Variants in NELL1 observed in about 807,000 individuals in gnomAD.
The protein encoded by NELL1 is neural EGFL like 1.
In NELL1, 76 loss-of-function variants were observed where a neutral mutation model predicts 107.4. The observed-to-expected ratio is 0.71, with a 90% CI of 0.59 to 0.86. The LOEUF is 0.86. NELL1 is among the 40% of genes least tolerant of loss of function. The pLI, the probability that NELL1 is intolerant of heterozygous loss-of-function variation, is 0.00. For missense variants in NELL1, 1,024 were observed against 1,005.5 expected (o/e 1.02, Z -0.25); for synonymous variants, 353 against 341.2 (o/e 1.03, Z -0.38).
chr11:21,119,168 A>G (rs1855303441), intron 13 of NELL1, among the ~76,000 whole-genome samples: 1 of 152,046 alleles, frequency 6.6e-6, no homozygotes, highest in African/African-American at 2.4e-5. Context: ...AGTTTAGTTT[A>G]GTATTGGATG....
In NELL1 at chr11:21,125,703, G is replaced by A. The variant is rs78805011; in HGVS notation, c.1426+11989G>A. On this transcript the variant is annotated intron_variant, in intron 13 of 19. Coordinates refer to ENST00000357134, the MANE Select transcript of NELL1 (RefSeq NM_006157.5). The stretch of plus-strand genomic sequence containing the variant: ...GAGGAAATGTTTTCTATCCTTCCAC[G>A]GGTGTCTGAAAGGGTTTGAATTTGA... 8.9e-3 allele frequency among the ~76,000 whole-genome samples: 1,362 copies of A among 152,234 alleles called. 14 individuals carry two copies. Among genetic ancestry groups the A allele is most frequent in the Non-Finnish European group, 0.014 (973 of 68,010 alleles).
At chr11:21,061,600 G>A (rs192810192) in intron 12 of NELL1, among the ~76,000 whole-genome samples, 5 of 152,266 alleles carry the variant, frequency 3.3e-5, no homozygotes, top group Non-Finnish European at 5.9e-5. Flanking sequence ...AGATTAAAAT[G>A]TATTTCTTAC....
chr11:20,948,404 A>C (rs1352912418), intron 11 of NELL1, among the ~76,000 whole-genome samples: 3 of 151,928 alleles, frequency 2.0e-5, no homozygotes, highest in African/African-American at 4.8e-5. Context: ...TTGGGTGTAC[A>C]TGTGATCTTT....
chr11:21,488,973 TTAAATA>T (rs1472379360), intron 15 of NELL1, among the ~76,000 whole-genome samples: 2 of 151,706 alleles, frequency 1.3e-5, no homozygotes, highest in Non-Finnish European at 2.9e-5. Context: ...AAATACAGAC[TTAAATA>T]TAAAGAATCA....
At chr11:21,269,847 G>A (rs963212824) in intron 14 of NELL1, among the ~76,000 whole-genome samples, 1 of 152,094 alleles carries the variant, frequency 6.6e-6, no homozygotes, top group Non-Finnish European at 1.5e-5. Context: ...TAGCAACAAT[G>A]TATTCGATTA....
chr11:20,942,749 G>T (rs895637164), intron 10 of NELL1, among the ~76,000 whole-genome samples: 11 of 152,118 alleles, frequency 7.2e-5, no homozygotes, highest in African/African-American at 2.7e-4. Flanking sequence ...TGTTGCTTTT[G>T]TCTTTGACTT....
chr11:21,364,303 C>T (rs1001295977), intron 14 of NELL1, among the ~76,000 whole-genome samples: 3 of 145,386 alleles, frequency 2.1e-5, no homozygotes, highest in East Asian at 2.2e-4. Context: ...CCTAGCTACT[C>T]GGGAGGCCGA....
chr11:21,284,395 T>C (rs1239324199), intron 14 of NELL1: 2 of 457,240 alleles, frequency 4.4e-6, no homozygotes, highest in Non-Finnish European at 8.8e-6. Flanking sequence ...TTGCTGAATA[T>C]GCCTTCCAGC....
chr11:20,919,166 A>C, intron 6 of NELL1, 86 bp from the exon 7 acceptor site: 1 of 730,602 alleles, frequency 1.4e-6, no homozygotes, highest in South Asian at 2.4e-5. Context: ...AAACTCTTCT[A>C]CATAGTCACG....
At chr11:20,836,106 A>T (rs1352926268) in intron 3 of NELL1, among the ~76,000 whole-genome samples, 1 of 152,168 alleles carries the variant, frequency 6.6e-6, no homozygotes. Flanking sequence ...ATAAGTAAAC[A>T]AACCAATTTT....
At chr11:21,322,525 A>T (rs1055656348) in intron 14 of NELL1, among the ~76,000 whole-genome samples, 2 of 152,204 alleles carry the variant, frequency 1.3e-5, no homozygotes, top group African/African-American at 4.8e-5. Context: ...ACAAAAGCAC[A>T]CACACATACA....
chr11:21,378,355 A>G (rs1228273919), intron 15 of NELL1, among the ~76,000 whole-genome samples: 6 of 151,496 alleles, frequency 4.0e-5, no homozygotes, highest in African/African-American at 1.5e-4. Context: ...TGACAAGAAA[A>G]ACACTTAATA....
chr11:20,982,563 C>T (rs1028372181), intron 12 of NELL1, among the ~76,000 whole-genome samples: 1 of 152,190 alleles, frequency 6.6e-6, no homozygotes, highest in African/African-American at 2.4e-5. Flanking sequence ...CTATGAGATG[C>T]CACAGTGCTT....
chr11:20,725,038 G>A (rs1037877575), intron 2 of NELL1, among the ~76,000 whole-genome samples: 4 of 152,150 alleles, frequency 2.6e-5, no homozygotes, highest in Non-Finnish European at 5.9e-5. Context: ...GCTCTCATAA[G>A]AACTCACTAA....
At chr11:21,121,448 A>T (rs758127898) in intron 13 of NELL1, among the ~76,000 whole-genome samples, 8 of 152,102 alleles carry the variant, frequency 5.3e-5, no homozygotes, top group Non-Finnish European at 7.4e-5. Context: ...TAACTGTGAC[A>T]TTGCTGCTGC....
chr11:21,482,286 T>A (rs1854512548), intron 15 of NELL1, among the ~76,000 whole-genome samples: 1 of 152,190 alleles, frequency 6.6e-6, no homozygotes, highest in Non-Finnish European at 1.5e-5. Flanking sequence ...GACCCCACGC[T>A]TTTATGTCAT....
intron 17 of NELL1, among the ~76,000 whole-genome samples, chr11:21,563,111 T>A (rs1293244583): frequency 1.3e-5 from 2 of 152,072 alleles, no homozygotes; most frequent in East Asian, 3.9e-4. Flanking sequence ...CAGCATTATT[T>A]AGACCACAGG....
At chr11:21,080,356 T>G (rs1402956827) in intron 12 of NELL1, among the ~76,000 whole-genome samples, 1 of 152,134 alleles carries the variant, frequency 6.6e-6, no homozygotes, top group Non-Finnish European at 1.5e-5. Flanking sequence ...GGATGTCCTT[T>G]TCATGATCTG....
intron 14 of NELL1, among the ~76,000 whole-genome samples, chr11:21,276,453 G>A (rs374281098): frequency 4.6e-5 from 7 of 152,148 alleles, no homozygotes; most frequent in South Asian, 2.1e-4. Context: ...AATCAATATC[G>A]TGAAAATGGC....
Sources: gnomAD v4.1 joint callset for allele counts (sites outside exome capture counted in the v4.1 genomes callset) on GRCh38, gnomAD v4.1.1 for gene constraint, MANE v1.5 for transcripts, NCBI Gene and HGNC (gene_info 2026-07-23, HGNC 2026-07-21) for gene names.